SRGAP1: variants seen among roughly 807,000 people sequenced by gnomAD.
SRGAP1 encodes SLIT-ROBO Rho GTPase activating protein 1.
SRGAP1 carries 43 observed loss-of-function variants against 121.9 expected under a neutral mutation model. The ratio of observed to expected loss-of-function variants is 0.35; its 90% CI spans 0.28 to 0.46. The LOEUF is 0.46. SRGAP1 is among the 20% of genes least tolerant of loss of function. SRGAP1 has a pLI of 1.00. For synonymous variants in SRGAP1, 447 were observed against 485.4 expected (o/e 0.92, Z 1.04); for missense variants, 1,102 against 1,350.9 (o/e 0.82, Z 2.89).
chr12:64,060,883 A>G (rs1005029677), intron 6 of SRGAP1, among the ~76,000 whole-genome samples: 17 of 152,144 alleles, frequency 1.1e-4, no homozygotes, highest in African/African-American at 4.1e-4. Context: ...CTATGTTCCA[A>G]TCTTTATATG....
chr12:63,993,423 C>G (rs2033610475), intron 3 of SRGAP1, among the ~76,000 whole-genome samples: 1 of 152,156 alleles, frequency 6.6e-6, no homozygotes, highest in African/African-American at 2.4e-5. Flanking sequence ...TATTTTCTAT[C>G]AAAATGGAAA....
intron 1 of SRGAP1, among the ~76,000 whole-genome samples, chr12:63,928,435 A>G (rs886228666): frequency 2.0e-5 from 3 of 152,228 alleles, no homozygotes; most frequent in Admixed American, 6.5e-5. Flanking sequence ...ACATTCTTCA[A>G]CAGGTGACTG....
At chr12:63,892,972 C>T (rs1027795544) in intron 1 of SRGAP1, among the ~76,000 whole-genome samples, 1 of 152,140 alleles carries the variant, frequency 6.6e-6, no homozygotes, top group Non-Finnish European at 1.5e-5. Context: ...ATTGCATGCC[C>T]TCTGAGCTCG....
rs773565950 is a variant in SRGAP1 at position 64,143,720 on chromosome 12, T to TA, written c.*1048_*1049insA. The TA allele has an allele frequency of 0.25, 37,418 of 151,824 alleles. 4,988 individuals are homozygous for TA. Among genetic ancestry groups the TA allele is most frequent in the East Asian group, 0.58 (2,972 of 5,130 alleles). 9.4% of individuals were successfully genotyped at this position (151,824 alleles called of 1,614,324 possible). ...TACTCGGGTGGTTTACACAGGAGGA[T>TA]GGCTTTGGGCCTAGTAGTTCGAGTC... On this transcript the variant is annotated 3_prime_UTR_variant, in exon 22 of 22. Transcript: ENST00000355086.
chr12:63,982,247 A>G (rs1164313426), intron 1 of SRGAP1, among the ~76,000 whole-genome samples: 10 of 145,544 alleles, frequency 6.9e-5, no homozygotes, highest in Non-Finnish European at 1.4e-4. Flanking sequence ...AAAAAGAAAG[A>G]AAAAAAAAAC....
Position 64,154,119 on chromosome 12 carries a change from G to A in SRGAP1, c.*11447G>A, listed in dbSNP as rs2037145778. 6.6e-6 allele frequency: 1 copy of A among 152,282 alleles called. No homozygotes were observed. The highest frequency in any genetic ancestry group is 1.5e-5 in the Non-Finnish European group (1 of 68,028). The allele number at this position is 152,282 out of a possible 1,614,324, so 9.4% of individuals were successfully genotyped here. A position where few individuals can be genotyped will look rare whatever the true frequency, so the allele number is the denominator to read the frequency against. On this transcript the variant is annotated 3_prime_UTR_variant, in exon 22 of 22. Coordinates refer to ENST00000355086, the MANE Select transcript of SRGAP1 (RefSeq NM_020762.4). ...AACTCTTATAAACAGAAAGCAGAAT[G>A]GTGATTGCCAGGGATCGGGATGAGG...
At position 63,875,967 on chromosome 12, in the gene SRGAP1, C is replaced by T. The variant is rs144999847; in HGVS notation, c.67+31084C>T. On this transcript the variant is annotated intron_variant, in intron 1 of 21. Coordinates refer to ENST00000355086, the MANE Select transcript of SRGAP1 (RefSeq NM_020762.4). ...TGTTTATTACTTAAAACATAACAAT[C>T]ATGTTTATTGTATCTCTCTGTGACA... Among the ~76,000 whole-genome samples, 316 of 152,246 alleles carry T rather than the reference C, an allele frequency of 2.1e-3. 2 individuals are homozygous for T. Among genetic ancestry groups the T allele is most frequent in the African/African-American group, 7.3e-3 (304 of 41,554 alleles).
At position 64,161,609 on chromosome 12, in the gene SRGAP1, C is replaced by T. The variant is rs1284657907; in HGVS notation, c.*18937C>T. The T allele has an allele frequency of 6.6e-6, 1 of 152,146 alleles. No homozygotes were observed. The highest frequency in any genetic ancestry group is 1.5e-5 in the Non-Finnish European group (1 of 68,028). 9.4% of individuals were successfully genotyped at this position (152,146 alleles called of 1,614,324 possible). On this transcript the variant is annotated 3_prime_UTR_variant, in exon 22 of 22. Transcript: ENST00000355086. ...GTTCTTCTAAGTTTTCTTCTCTCTG[C>T]ACACTGTATTTCCTCTAAGTTGCTT...
chr12:63,962,368 C>T (rs942806777), intron 1 of SRGAP1, among the ~76,000 whole-genome samples: 3 of 152,170 alleles, frequency 2.0e-5, no homozygotes, highest in African/African-American at 4.8e-5. Context: ...ACCACTTGTT[C>T]TAACTTTTCC....
intron 1 of SRGAP1, among the ~76,000 whole-genome samples, chr12:63,902,313 A>G (rs1429333000): frequency 6.6e-6 from 1 of 152,222 alleles, no homozygotes; most frequent in Non-Finnish European, 1.5e-5. Context: ...TATGTTCTAG[A>G]CACTATTCCA....
Position 63,948,189 on chromosome 12 carries a change from C to G in SRGAP1, c.68-35758C>G, listed in dbSNP as rs555567460. ...ATGTTAAAGCAACAGTGGAAAAGAC[C>G]TGGGTTCCATTTTCTCCTTTAGTTA... On this transcript the variant is annotated intron_variant, in intron 1 of 21. Transcript: ENST00000355086. 2.2e-4 allele frequency among the ~76,000 whole-genome samples: 34 copies of G among 152,170 alleles called. No individual in the cohort carries two copies. The Middle Eastern group carries it at 0.014, about 61-fold the overall frequency.
chr12:63,881,811 A>G (rs976335010), intron 1 of SRGAP1, among the ~76,000 whole-genome samples: 2 of 152,226 alleles, frequency 1.3e-5, no homozygotes, highest in South Asian at 2.1e-4. Flanking sequence ...ACTATTTTAT[A>G]TGCATTAATC....
chr12:63,993,351 TA>T (rs1401373851), intron 3 of SRGAP1, among the ~76,000 whole-genome samples: 1 of 152,246 alleles, frequency 6.6e-6, no homozygotes, highest in Non-Finnish European at 1.5e-5. Flanking sequence ...AAATGGGTTT[TA>T]ATCACCGATC....
intron 3 of SRGAP1, among the ~76,000 whole-genome samples, chr12:64,010,276 T>C (rs1370645994): frequency 1.3e-5 from 2 of 152,144 alleles, no homozygotes; most frequent in Non-Finnish European, 2.9e-5. Flanking sequence ...TAAAAGGCCA[T>C]AGGCCTTCTG....
chr12:63,900,584 G>A (rs1427791494), intron 1 of SRGAP1, among the ~76,000 whole-genome samples: 4 of 151,992 alleles, frequency 2.6e-5, no homozygotes, highest in Admixed American at 6.5e-5. Flanking sequence ...AGGATGAGGC[G>A]GGAGGATCAG....
chr12:64,077,464 A>G (rs1218128505), intron 8 of SRGAP1, among the ~76,000 whole-genome samples: 3 of 149,026 alleles, frequency 2.0e-5, no homozygotes, highest in African/African-American at 7.3e-5. Context: ...TTAAATTTAT[A>G]TATTAATATT....
At chr12:64,066,054 C>T (rs2035534083) in intron 8 of SRGAP1, among the ~76,000 whole-genome samples, 1 of 152,164 alleles carries the variant, frequency 6.6e-6, no homozygotes, top group Non-Finnish European at 1.5e-5. Flanking sequence ...TTAGTCAAGG[C>T]TCCCAATTGT....
intron 1 of SRGAP1, among the ~76,000 whole-genome samples, chr12:63,953,653 C>T (rs762388146): frequency 2.0e-5 from 3 of 151,946 alleles, no homozygotes; most frequent in South Asian, 2.1e-4. Context: ...ATGATCCTCC[C>T]GCCTCAGCCT....
rs2037000764 is a variant in SRGAP1 at position 64,143,466 on chromosome 12, T to G, written c.*794T>G. The G allele has an allele frequency of 6.6e-6, 1 of 152,196 alleles. No homozygotes were observed. Among genetic ancestry groups the G allele is most frequent in the Non-Finnish European group, 1.5e-5 (1 of 68,046 alleles). The allele number at this position is 152,196 out of a possible 1,614,324, so 9.4% of individuals were successfully genotyped here. On this transcript the variant is annotated 3_prime_UTR_variant, in exon 22 of 22. Coordinates refer to ENST00000355086, the MANE Select transcript of SRGAP1 (RefSeq NM_020762.4). ...ATTAGAAGGGTTTAATTTTAAAGAC[T>G]TTCTGGTTACACTACTCCACGAACT...
Sources: allele counts gnomAD v4.1 joint callset (sites outside exome capture counted in the v4.1 genomes callset), GRCh38; gene constraint gnomAD v4.1.1; transcripts MANE v1.5; gene names NCBI Gene and HGNC (gene_info 2026-07-23, HGNC 2026-07-21).